CCNE1: variants seen among roughly 807,000 people sequenced by gnomAD.
CCNE1 encodes cyclin E1.
In CCNE1, 8 loss-of-function variants were observed where a neutral mutation model predicts 54.1. That is an observed-to-expected ratio of 0.15 (90% confidence interval 0.09 to 0.27). The LOEUF is 0.27. Among genes scored for constraint, CCNE1 ranks in the 10% least tolerant of loss-of-function variants. The pLI is 1.00. For synonymous variants in CCNE1, 179 were observed against 185.2 expected (o/e 0.97, Z 0.27); for missense variants, 430 against 514.9 (o/e 0.84, Z 1.60).
rs765901803 is a variant in CCNE1, at chr19:29,822,115, T to G, written c.825T>G (p.Phe275Leu). The G allele has an allele frequency of 1.2e-6, 2 of 1,613,802 alleles. No individual in the cohort carries two copies. The highest frequency in any genetic ancestry group is 2.2e-5 in the South Asian group (2 of 91,084). The change falls in exon 9 of 12, where the codon TTT becomes TTG. Residue 275 changes from phenylalanine to leucine, a missense_variant. This residue lies in a region of CCNE1 where 303 missense variants were observed against 401.1 expected (regional missense o/e 0.76). Coordinates refer to ENST00000262643, the MANE Select transcript of CCNE1 (RefSeq NM_001238.4). ...VLLPQYPQQI[F>L]IQIAELLDLC... Reference sequence around the variant, plus strand: ...TGCCGCAGTATCCCCAGCAAATCTTTATACAGATTGCAGAGGTAAGTGGCT... The same window carrying G: ...TGCCGCAGTATCCCCAGCAAATCTTGATACAGATTGCAGAGGTAAGTGGCT...
At chr19:29,821,920 T>C in intron 8 of CCNE1, 76 bp from the exon 9 acceptor site, 1 of 1,529,840 alleles carries the variant, frequency 6.5e-7, no homozygotes, top group South Asian at 1.1e-5. Context: ...GCTGGACACA[T>C]TGTGGCATGG....
In CCNE1 at chr19:29,812,037, G is replaced by A. The variant is rs1353960547; in HGVS notation, c.-140G>A. On this transcript the variant is annotated 5_prime_UTR_variant, in exon 1 of 12. Coordinates refer to ENST00000262643, the MANE Select transcript of CCNE1 (RefSeq NM_001238.4). ...CAGCGCGGTGTAGGGGGCAGGCGCG[G>A]ATCCCGCCACCGCCGCGCGCTCGGC... 1.4e-5 allele frequency: 2 copies of A among 147,550 alleles called. No homozygotes were observed. The highest frequency in any genetic ancestry group is 4.9e-5 in the African/African-American group (2 of 40,780). The allele number at this position is 147,550 out of a possible 1,614,324, so 9.1% of individuals were successfully genotyped here. A position where few individuals can be genotyped will look rare whatever the true frequency, so the allele number is the denominator to read the frequency against.
Position 29,822,564 on chromosome 19 carries a change from A to T in CCNE1, c.1071A>T (p.Ala357=), listed in dbSNP as rs2145730344. Residue 357 remains alanine, a synonymous_variant, in exon 11 of 12, where the codon GCA becomes GCT. Coordinates refer to ENST00000262643, the MANE Select transcript of CCNE1 (RefSeq NM_001238.4). ...KHFRGVADED[A]HNIQTHRDSL... ...TCAGGGGCGTCGCTGATGAAGATGC[A>T]CACAACATACAGACCCACAGAGACA... is the stretch of plus-strand genomic sequence containing the variant. 6.2e-7 allele frequency: 1 copy of T among 1,614,048 alleles called. No individual in the cohort carries two copies. The highest frequency in any genetic ancestry group is 8.5e-7 in the Non-Finnish European group (1 of 1,180,008).
In CCNE1 at chr19:29,817,229, G is replaced by A. The variant is rs148162215; in HGVS notation, c.273G>A (p.Thr91=). Residue 91 remains threonine (T), a synonymous_variant, in exon 5 of 12, where the codon ACG becomes ACA. Coordinates refer to ENST00000262643, the MANE Select transcript of CCNE1 (RefSeq NM_001238.4). ...ATGACCGGGTTTACCCAAACTCAACGTGCAAGCCTCGGATTATTGCACCAT... is the reference window on the plus strand; with the variant it reads ...ATGACCGGGTTTACCCAAACTCAACATGCAAGCCTCGGATTATTGCACCAT... The part of the protein sequence containing the change: ...EDDDRVYPNS[T]CKPRIIAPSR... 7.4e-6 allele frequency: 12 copies of A among 1,614,030 alleles called. No homozygotes were observed. Among genetic ancestry groups the A allele is most frequent in the African/African-American group, 4.0e-5 (3 of 74,884 alleles).
At chr19:29,812,905 C>T (rs1313167427) in intron 3 of CCNE1, 64 bp from the exon 4 acceptor site, 3 of 1,604,400 alleles carry the variant, frequency 1.9e-6, no homozygotes, top group African/African-American at 1.3e-5. Context: ...GCTTTCTCTT[C>T]TTCTCTCTGT....
rs562877398 is a variant in CCNE1 at position 29,824,200 on chromosome 19, G to A, written c.*423G>A. 9.1e-5 allele frequency: 23 copies of A among 253,080 alleles called. No individual in the cohort carries two copies. The highest frequency in any genetic ancestry group is 5.0e-4 in the African/African-American group (23 of 46,028). The allele number at this position is 253,080 out of a possible 1,614,324, so 15.7% of individuals were successfully genotyped here. On this transcript the variant is annotated 3_prime_UTR_variant, in exon 12 of 12. Transcript: ENST00000262643. Reference sequence around the variant, plus strand: ...AGAGCCCATAGCCAGCTGGGCAGGGGGCTGCCCTCTCCACATTATCAGTTG... The same window carrying A: ...AGAGCCCATAGCCAGCTGGGCAGGGAGCTGCCCTCTCCACATTATCAGTTG...
chr19:29,813,240 C>T (rs1457954349), intron 4 of CCNE1: 1 of 591,598 alleles, frequency 1.7e-6, no homozygotes, highest in Non-Finnish European at 3.0e-6. Context: ...GCTTGGTGTT[C>T]CTGACTGGCA....
At chr19:29,812,634 T>G (rs1973918087) in intron 2 of CCNE1, 55 bp from the exon 3 acceptor site, 1 of 1,544,788 alleles carries the variant, frequency 6.5e-7, no homozygotes, top group African/African-American at 1.4e-5. Context: ...ACGGGTGGCG[T>G]GGGGGAGGGG....
chr19:29,815,909 C>G (rs1023644884), intron 4 of CCNE1, among the ~76,000 whole-genome samples: 4 of 151,300 alleles, frequency 2.6e-5, no homozygotes, highest in African/African-American at 9.7e-5. Flanking sequence ...AATCCCAGCA[C>G]TTTTGGAAGA....
rs571092461 is a variant in CCNE1, at chr19:29,821,739, G to T, written c.627G>T (p.Lys209Asn). The change falls in exon 8 of 12, where the codon AAG (lysine) becomes AAT (asparagine). Residue 209 changes from lysine to asparagine, a missense_variant. By Grantham distance (94) the Lys-to-Asn change is moderately conservative. Coordinates refer to ENST00000262643, the MANE Select transcript of CCNE1 (RefSeq NM_001238.4). ...AAKLEEIYPP[K>N]LHQFAYVTDG... ...CCTTTCAGGAAATCTATCCTCCAAAGTTGCACCAGTTTGCGTATGTGACAG... is the reference window on the plus strand; with the variant it reads ...CCTTTCAGGAAATCTATCCTCCAAATTTGCACCAGTTTGCGTATGTGACAG... The T allele has an allele frequency of 1.7e-5, 27 of 1,609,540 alleles. No individual in the cohort carries two copies. The South Asian group carries it at 2.7e-4, about 16-fold the overall frequency.
In CCNE1 at chr19:29,813,865, T is replaced by C. The variant is rs117414461; in HGVS notation, c.180+828T>C. Among the ~76,000 whole-genome samples the C allele has an allele frequency of 8.2e-3, 1,247 of 152,316 alleles. 16 individuals carry two copies. The highest frequency in any genetic ancestry group is 0.01 in the Middle Eastern group (3 of 294). Reference sequence around the variant, plus strand: ...TGGGGGAAGCAGCCTATCTCTAAACTAGCTGGTCAGGCCTTCTGACTCTAT... The same window carrying C: ...TGGGGGAAGCAGCCTATCTCTAAACCAGCTGGTCAGGCCTTCTGACTCTAT... On this transcript the variant is annotated intron_variant, in intron 4 of 11. Coordinates refer to ENST00000262643, the MANE Select transcript of CCNE1 (RefSeq NM_001238.4).
chr19:29,817,693 G>T, intron 6 of CCNE1, 152 bp downstream of exon 6: 1 of 792,828 alleles, frequency 1.3e-6, no homozygotes, highest in South Asian at 2.0e-5. Flanking sequence ...TTTCTGTTTT[G>T]CTTGTATTCT....
At chr19:29,818,655 C>T (rs541368661) in intron 6 of CCNE1, among the ~76,000 whole-genome samples, 2 of 152,208 alleles carry the variant, frequency 1.3e-5, no homozygotes, top group South Asian at 4.1e-4. Flanking sequence ...CCTGGCTGGG[C>T]ACAGTGGCTC....
At chr19:29,817,318 C>T in intron 5 of CCNE1, 36 bp downstream of exon 5, 1 of 1,614,026 alleles carries the variant, frequency 6.2e-7, no homozygotes, top group Non-Finnish European at 8.5e-7. Flanking sequence ...TTCCAGGTCT[C>T]TTACTCCATG....
intron 4 of CCNE1, 123 bp from the exon 5 acceptor site, chr19:29,817,014 G>T: frequency 3.1e-6 from 3 of 967,466 alleles, no homozygotes; most frequent in Non-Finnish European, 4.5e-6. Context: ...TATCTTTTTG[G>T]AAGCACTTTC....
At position 29,822,025 on chromosome 19, in the gene CCNE1, T is replaced by A; in HGVS notation, c.735T>A (p.Thr245=). The part of the protein sequence containing the change: ...KALKWRLSPL[T]IVSWLNVYMQ... ...TTAAGTGGCGTTTAAGTCCCCTGACTATTGTGTCCTGGCTGAATGTATACA... is the reference window on the plus strand; with the variant it reads ...TTAAGTGGCGTTTAAGTCCCCTGACAATTGTGTCCTGGCTGAATGTATACA... Residue 245 remains threonine (T), a synonymous_variant, in exon 9 of 12, where the codon ACT becomes ACA. Transcript: ENST00000262643. 1 of 1,613,606 alleles carries A rather than the reference T, an allele frequency of 6.2e-7. No homozygotes were observed. The highest frequency in any genetic ancestry group is 8.5e-7 in the Non-Finnish European group (1 of 1,179,656).
intron 2 of CCNE1, 51 bp downstream of exon 2, chr19:29,812,629 T>A (rs1429575193): frequency 8.4e-6 from 13 of 1,540,564 alleles, no homozygotes; most frequent in African/African-American, 1.4e-5. Flanking sequence ...ACGGGACGGG[T>A]GGCGTGGGGG....
chr19:29,812,609 A>ACGGGC (rs1568365993), intron 2 of CCNE1, 31 bp downstream of exon 2: 42 of 1,538,218 alleles, frequency 2.7e-5, no homozygotes, highest in Non-Finnish European at 3.7e-5. Flanking sequence ...GCCGGACGGG[A>ACGGGC]CGGGACGGGA....
rs1301046041 is a variant in CCNE1 at position 29,820,868 on chromosome 19, T to G, written c.609+20T>G. ...CTTGAGGTAAATAATTTTCAAATAT[T>G]TGTTCTATAATGTGTGTTATTTCTC... On this transcript the variant is annotated intron_variant, in intron 7 of 11. Transcript: ENST00000262643. 1 of 1,559,576 alleles carries G rather than the reference T, an allele frequency of 6.4e-7. No individual in the cohort carries two copies. The highest frequency in any genetic ancestry group is 1.4e-5 in the African/African-American group (1 of 73,574).
Sources: allele counts gnomAD v4.1 joint callset (sites outside exome capture counted in the v4.1 genomes callset), GRCh38; gene constraint gnomAD v4.1.1; regional missense constraint gnomAD v4.1.1; transcripts MANE v1.5; gene names NCBI Gene and HGNC (gene_info 2026-07-23, HGNC 2026-07-21).